DIP2C: variants seen among roughly 807,000 people sequenced by gnomAD.
DIP2C encodes DIP2 acetate--CoA ligase C (putative), also known as disco-interacting protein 2 homolog C.
Under a neutral mutation model 192.4 loss-of-function variants are expected in DIP2C, and 33 were observed. The ratio of observed to expected loss-of-function variants is 0.17; its 90% confidence interval spans 0.13 to 0.23. The LOEUF is 0.23. Among genes scored for constraint, DIP2C ranks in the 10% least tolerant of loss-of-function variants. DIP2C has a pLI of 1.00. For missense variants in DIP2C, 1,537 were observed against 2,110.1 expected (o/e 0.73, Z 5.32); for synonymous variants, 979 against 864.1 (o/e 1.13, Z -2.33).
chr10:535,203 C>A (rs913734810), intron 1 of DIP2C, among the ~76,000 whole-genome samples: 5 of 152,072 alleles, frequency 3.3e-5, no homozygotes, highest in Non-Finnish European at 5.9e-5. Context: ...GAAGGTGGCA[C>A]CTGCCCTAGA....
At position 674,789 on chromosome 10, in the gene DIP2C, T is replaced by TAGAGAG. The variant is rs1554772102; in HGVS notation, c.85+14699_85+14704dup. 1.4e-3 allele frequency among the ~76,000 whole-genome samples: 88 copies of TAGAGAG among 62,474 alleles called. 3 individuals are homozygous for TAGAGAG. The highest frequency in any genetic ancestry group is 2.7e-3 in the South Asian group (5 of 1,832). 41.0% of individuals were successfully genotyped at this position (62,474 alleles called of 152,430 possible). A position where few individuals can be genotyped will look rare whatever the true frequency, so the allele number is the denominator to read the frequency against. ...CATCTCAAATATATATATATATATA[T>TAGAGAG]AGAGAGAGAGAGAGAGAGAGAGAGA... On this transcript the variant is annotated intron_variant, in intron 1 of 36. Transcript: ENST00000280886.
intron 1 of DIP2C, chr10:650,416 C>T (rs1215130703): frequency 8.4e-6 from 6 of 714,002 alleles, no homozygotes; most frequent in Non-Finnish European, 1.3e-5. Context: ...ACGAGAAGAA[C>T]GCAGGCCGAC....
chr10:326,684 G>T (rs1753925089), intron 31 of DIP2C, among the ~76,000 whole-genome samples: 1 of 152,194 alleles, frequency 6.6e-6, no homozygotes, highest in Non-Finnish European at 1.5e-5. Flanking sequence ...GTACTTCGAG[G>T]GACTGGTTTC....
intron 30 of DIP2C, 46 bp downstream of exon 30, chr10:329,387 T>G: frequency 6.4e-7 from 1 of 1,556,258 alleles, no homozygotes; most frequent in Non-Finnish European, 8.7e-7. Flanking sequence ...TAGAAAGGAG[T>G]CCCTGTGGGC....
chr10:570,624 C>CA (rs1486813043), intron 1 of DIP2C, among the ~76,000 whole-genome samples: 5 of 152,048 alleles, frequency 3.3e-5, no homozygotes, highest in Non-Finnish European at 7.3e-5. Flanking sequence ...CCCGACCTGC[C>CA]AGTCACACAG....
At chr10:300,981 G>C (rs1367416761) in intron 32 of DIP2C, among the ~76,000 whole-genome samples, 1 of 152,216 alleles carries the variant, frequency 6.6e-6, no homozygotes, top group Non-Finnish European at 1.5e-5. Context: ...AAGCTTTTCT[G>C]TTTATTTCAA....
At chr10:600,252 T>C (rs1395631087) in intron 1 of DIP2C, among the ~76,000 whole-genome samples, 3 of 152,190 alleles carry the variant, frequency 2.0e-5, no homozygotes, top group South Asian at 2.1e-4. Context: ...CAGGTTCCTC[T>C]GGAGTCACTG....
At chr10:614,638 A>G (rs1853321264) in intron 1 of DIP2C, among the ~76,000 whole-genome samples, 1 of 152,240 alleles carries the variant, frequency 6.6e-6, no homozygotes, top group African/African-American at 2.4e-5. Context: ...GCCCCGAAAC[A>G]TGGCCACTGG....
At chr10:548,468 C>G (rs867613392) in intron 1 of DIP2C, among the ~76,000 whole-genome samples, 1,486 of 132,502 alleles carry the variant, frequency 0.011, 39 homozygotes, top group African/African-American at 0.041. Flanking sequence ...GGGAGGGAGG[C>G]AGGCAGGCAG....
At chr10:442,976 GGTTA>G (rs760436031) in intron 3 of DIP2C, among the ~76,000 whole-genome samples, 2 of 152,172 alleles carry the variant, frequency 1.3e-5, no homozygotes, top group Admixed American at 1.3e-4. Flanking sequence ...CAAGAATACA[GGTTA>G]GTTATTTTAC....
chr10:524,831 T>A (rs61352458), intron 1 of DIP2C, among the ~76,000 whole-genome samples: 1 of 152,130 alleles, frequency 6.6e-6, no homozygotes, highest in African/African-American at 2.4e-5. Flanking sequence ...AAAACTGCTC[T>A]ACAGGACTTT....
intron 34 of DIP2C, 43 bp downstream of exon 34, chr10:286,230 A>C (rs199870309): frequency 6.3e-7 from 1 of 1,595,464 alleles, no homozygotes; most frequent in Non-Finnish European, 8.6e-7. Flanking sequence ...CCAAGGATAC[A>C]TAACAGAAAA....
intron 1 of DIP2C, among the ~76,000 whole-genome samples, chr10:579,499 C>T (rs1047226127): frequency 1.3e-4 from 19 of 151,172 alleles, no homozygotes; most frequent in South Asian, 2.1e-4. Context: ...CATAAGTGCA[C>T]TATGTGTGTA....
In DIP2C at chr10:378,832, T is replaced by C. The variant is rs117710805; in HGVS notation, c.1991+3815A>G. Among the ~76,000 whole-genome samples, 927 of 151,302 alleles carry C rather than the reference T, an allele frequency of 6.1e-3. 4 individuals carry two copies. Among genetic ancestry groups the C allele is most frequent in the Middle Eastern group, 0.014 (4 of 292 alleles). ...ACACAAATGAACAGACATGCACAGA[T>C]GTGAACAGACATGCATAGACACATG... On this transcript the variant is annotated intron_variant, in intron 17 of 36. Coordinates refer to ENST00000280886, the MANE Select transcript of DIP2C (RefSeq NM_014974.3).
chr10:505,989 G>C (rs1415092699), intron 1 of DIP2C, among the ~76,000 whole-genome samples: 1 of 152,220 alleles, frequency 6.6e-6, no homozygotes, highest in Non-Finnish European at 1.5e-5. Context: ...GAGAAATCCA[G>C]GGGATTAGGA....
chr10:316,285 A>T (rs1956769402), intron 31 of DIP2C, among the ~76,000 whole-genome samples: 1 of 152,218 alleles, frequency 6.6e-6, no homozygotes, highest in African/African-American at 2.4e-5. Flanking sequence ...AGATTAAATA[A>T]CATTTACCCC....
Position 548,886 on chromosome 10 carries a change from C to T in DIP2C, c.86-62356G>A, listed in dbSNP as rs866157843. Among the ~76,000 whole-genome samples, 74 of 76,924 alleles carry T rather than the reference C, an allele frequency of 9.6e-4. 1 individual carries two copies. Among genetic ancestry groups the T allele is most frequent in the African/African-American group, 4.2e-3 (71 of 16,756 alleles). The allele number at this position is 76,924 out of a possible 152,430, so 50.5% of individuals were successfully genotyped here. A position where few individuals can be genotyped will look rare whatever the true frequency, so the allele number is the denominator to read the frequency against. On this transcript the variant is annotated intron_variant, in intron 1 of 36. Transcript: ENST00000280886. ...ACATTTCCCAAACCAAAGAACAGTG[C>T]ATTGCAGGAAAAAATAGCAGCTCAC...
At chr10:390,611 A>C (rs1167279787) in intron 11 of DIP2C, 129 bp downstream of exon 11, 4 of 1,470,240 alleles carry the variant, frequency 2.7e-6, no homozygotes, top group African/African-American at 1.4e-5. Flanking sequence ...GAACGCGTGA[A>C]AACTCGTGGG....
At chr10:516,981 G>T (rs986726282) in intron 1 of DIP2C, among the ~76,000 whole-genome samples, 1 of 151,520 alleles carries the variant, frequency 6.6e-6, no homozygotes, top group Non-Finnish European at 1.5e-5. Context: ...CCCAGCAATG[G>T]CCACAGGAAG....
Sources: allele counts gnomAD v4.1 joint callset (sites outside exome capture counted in the v4.1 genomes callset), GRCh38; gene constraint gnomAD v4.1.1; transcripts MANE v1.5; gene names NCBI Gene and HGNC (gene_info 2026-07-23, HGNC 2026-07-21).